Variants in CLINT1 observed in about 807,000 individuals in gnomAD.
CLINT1 encodes clathrin interactor 1, also known as clathrin interacting protein localized in the trans-Golgi region.
CLINT1 carries 15 observed loss-of-function variants against 70.4 expected under a neutral mutation model. That is an observed-to-expected ratio of 0.21 (90% confidence interval 0.14 to 0.33). The LOEUF (loss-of-function observed/expected upper bound fraction) is 0.33. Ranked by LOEUF, CLINT1 falls within the 10% of genes least tolerant of loss-of-function variation. The pLI, the probability that CLINT1 is intolerant of heterozygous loss-of-function variation, is 1.00. For missense variants in CLINT1, 615 were observed against 778.1 expected (o/e 0.79, Z 2.49); for synonymous variants, 227 against 254.7 (o/e 0.89, Z 1.04).
At chr5:157,845,622 G>A (rs1390655792) in intron 1 of CLINT1, among the ~76,000 whole-genome samples, 1 of 150,664 alleles carries the variant, frequency 6.6e-6, no homozygotes. Flanking sequence ...CGCGATCTTG[G>A]CTCACTGCAA....
At chr5:157,809,513 G>T in intron 6 of CLINT1, 115 bp downstream of exon 6, 2 of 592,688 alleles carry the variant, frequency 3.4e-6, no homozygotes, top group Non-Finnish European at 5.0e-6. Context: ...AAAAAAAAAA[G>T]GCCCAATTTC....
chr5:157,856,904 G>A (rs1289421711), intron 1 of CLINT1, among the ~76,000 whole-genome samples: 1 of 152,092 alleles, frequency 6.6e-6, no homozygotes, highest in African/African-American at 2.4e-5. Context: ...CCTAAAGCAC[G>A]TGAAGATTAG....
At position 157,853,651 on chromosome 5, in the gene CLINT1, C is replaced by A. The variant is rs183024661; in HGVS notation, c.41+5279G>T. On this transcript the variant is annotated intron_variant, in intron 1 of 11. Transcript: ENST00000411809. The stretch of plus-strand genomic sequence containing the variant: ...AATTAGCCGGGCATGGTGGCACGTG[C>A]CTGTAATCCCAGCTACTCAGGAGGC... Among the ~76,000 whole-genome samples, 60 of 151,878 alleles carry A rather than the reference C, an allele frequency of 4.0e-4. 1 individual carries two copies. The East Asian group carries it at 0.011, about 27-fold the overall frequency.
intron 1 of CLINT1, among the ~76,000 whole-genome samples, chr5:157,828,211 A>G (rs375449850): frequency 4.6e-5 from 7 of 152,224 alleles, no homozygotes; most frequent in East Asian, 1.9e-4. Flanking sequence ...AAGACAGGCT[A>G]GTCCCACAAT....
intron 1 of CLINT1, among the ~76,000 whole-genome samples, chr5:157,839,858 C>G (rs1258684397): frequency 2.0e-5 from 3 of 151,878 alleles, no homozygotes; most frequent in Non-Finnish European, 4.4e-5. Context: ...ATGGCTGATT[C>G]CAGGGCTGAA....
intron 1 of CLINT1, among the ~76,000 whole-genome samples, chr5:157,834,481 T>C (rs1763351892): frequency 6.6e-6 from 1 of 151,932 alleles, no homozygotes; most frequent in South Asian, 2.1e-4. Flanking sequence ...TTTAGGACTA[T>C]AAAAAAAAGT....
intron 10 of CLINT1, chr5:157,789,740 A>T: frequency 1.6e-6 from 1 of 615,202 alleles, no homozygotes; most frequent in Non-Finnish European, 2.8e-6. Context: ...CTGAAGTCCC[A>T]ATCAGGTTTG....
At chr5:157,858,310 T>A (rs185424388) in intron 1 of CLINT1, among the ~76,000 whole-genome samples, 81 of 152,302 alleles carry the variant, frequency 5.3e-4, no homozygotes, top group Middle Eastern at 3.4e-3. Flanking sequence ...AGTCATATAG[T>A]GATCTACTTT....
rs1183443050 is a variant in CLINT1, at chr5:157,786,288, T to A, written c.*1358A>T. ...AACGAAAGAAAAAGCAGTTCAACAT[T>A]GATTTTAATGAACATTTTAATGTTA... On this transcript the variant is annotated 3_prime_UTR_variant, in exon 12 of 12. Transcript: ENST00000411809. 2 of 152,420 alleles carry A rather than the reference T, an allele frequency of 1.3e-5. No individual in the cohort carries two copies. Among genetic ancestry groups the A allele is most frequent in the East Asian group, 3.8e-4 (2 of 5,200 alleles). The allele number at this position is 152,420 out of a possible 1,614,324, so 9.4% of individuals were successfully genotyped here. A position where few individuals can be genotyped will look rare whatever the true frequency, so the allele number is the denominator to read the frequency against.
At chr5:157,823,346 A>T (rs1448954553) in intron 1 of CLINT1, among the ~76,000 whole-genome samples, 1 of 152,242 alleles carries the variant, frequency 6.6e-6, no homozygotes, top group African/African-American at 2.4e-5. Flanking sequence ...GGCCATTAAA[A>T]ATATAAGTAC....
intron 1 of CLINT1, among the ~76,000 whole-genome samples, chr5:157,819,683 G>A (rs1762824007): frequency 6.6e-6 from 1 of 152,190 alleles, no homozygotes; most frequent in Admixed American, 6.5e-5. Context: ...ATGCAGCTGT[G>A]AAAATGAACA....
chr5:157,814,342 G>C lies in CLINT1; in HGVS notation c.244-49C>G, dbSNP rs138468717. The C allele has an allele frequency of 5.1e-4, 645 of 1,264,818 alleles. 2 individuals are homozygous for C. In the African/African-American group the frequency reaches 8.7e-3, roughly 17 times the overall value. The allele number at this position is 1,264,818 out of a possible 1,614,324, so 78.3% of individuals were successfully genotyped here. A position where few individuals can be genotyped will look rare whatever the true frequency, so the allele number is the denominator to read the frequency against. On this transcript the variant is annotated intron_variant, in intron 3 of 11. Transcript: ENST00000411809. ...TGATTTAATGAAATATATTCTAGTAGAGCTTTGGTAAATGGTTAAAAAAAA... is the reference window on the plus strand; with the variant it reads ...TGATTTAATGAAATATATTCTAGTACAGCTTTGGTAAATGGTTAAAAAAAA...
chr5:157,834,134 G>C (rs983852543), intron 1 of CLINT1, among the ~76,000 whole-genome samples: 1 of 150,988 alleles, frequency 6.6e-6, no homozygotes, highest in Non-Finnish European at 1.5e-5. Context: ...CTAGGCAAGC[G>C]GATTGCCTAA....
At chr5:157,791,344 C>A (rs1761896748) in intron 10 of CLINT1, among the ~76,000 whole-genome samples, 1 of 152,176 alleles carries the variant, frequency 6.6e-6, no homozygotes, top group South Asian at 2.1e-4. Context: ...AGGGGTGAGC[C>A]ACTGCGCCTG....
rs1281046781 is a variant in CLINT1, at chr5:157,837,648, A to ATTT, written c.42-20102_42-20101insAAA. On this transcript the variant is annotated intron_variant, in intron 1 of 11. Transcript: ENST00000411809. ...GCCAGCAAATTTCTCAAGCTCTTTT[A>ATTT]CTTTTTTTTTTTTTGAGACGGAGTC... 1.2e-3 allele frequency among the ~76,000 whole-genome samples: 83 copies of ATTT among 70,222 alleles called. 1 individual carries two copies. Among genetic ancestry groups the ATTT allele is most frequent in the African/African-American group, 4.5e-3 (82 of 18,374 alleles). The allele number at this position is 70,222 out of a possible 152,430, so 46.1% of individuals were successfully genotyped here. A position where few individuals can be genotyped will look rare whatever the true frequency, so the allele number is the denominator to read the frequency against.
chr5:157,787,641 ATC>A lies in CLINT1; in HGVS notation c.*3_*4del. 6.2e-7 allele frequency: 1 copy of A among 1,610,998 alleles called. No individual in the cohort carries two copies. The highest frequency in any genetic ancestry group is 8.5e-7 in the Non-Finnish European group (1 of 1,177,624). On this transcript the variant is annotated 3_prime_UTR_variant, in exon 12 of 12. Transcript: ENST00000411809. ...CTTCATTCAATCTGCTTCTTTTACAATCTCTTATTTGCTAAAATTGGCGAAAT... is the reference window on the plus strand; with the variant it reads ...CTTCATTCAATCTGCTTCTTTTACAATCTTATTTGCTAAAATTGGCGAAAT...
intron 1 of CLINT1, 131 bp downstream of exon 1, chr5:157,858,799 G>C: frequency 1.0e-6 from 1 of 976,394 alleles, no homozygotes; most frequent in East Asian, 3.0e-5. Flanking sequence ...GGAAGGAGCG[G>C]GCCGCCGCCA....
chr5:157,841,467 G>A (rs571860444), intron 1 of CLINT1, among the ~76,000 whole-genome samples: 19 of 151,880 alleles, frequency 1.3e-4, no homozygotes, highest in Non-Finnish European at 2.5e-4. Context: ...TCGGGAGGCT[G>A]AGGCAGAAGA....
intron 6 of CLINT1, 33 bp downstream of exon 6, chr5:157,809,595 C>G: frequency 6.5e-7 from 1 of 1,546,218 alleles, no homozygotes; most frequent in Non-Finnish European, 8.7e-7. Context: ...AGGGCTCTTT[C>G]TAAGAGACCC....
Sources: gnomAD v4.1 joint callset for allele counts (sites outside exome capture counted in the v4.1 genomes callset) on GRCh38, gnomAD v4.1.1 for gene constraint, MANE v1.5 for transcripts, NCBI Gene and HGNC (gene_info 2026-07-23, HGNC 2026-07-21) for gene names.